The following KCTD8 variants were observed in gnomAD, a reference collection of about 807,000 sequenced individuals.
KCTD8 encodes the protein BTB/POZ domain-containing protein KCTD8.
KCTD8 carries 27 observed loss-of-function variants against 31.5 expected under a neutral mutation model. That is an observed-to-expected ratio of 0.86 (90% confidence interval 0.63 to 1.18). The LOEUF is 1.18. Ranked by LOEUF, KCTD8 falls within the 50% of genes most tolerant of loss-of-function variation. The pLI, the probability that KCTD8 is intolerant of heterozygous loss-of-function variation, is 0.00. For missense variants in KCTD8, 658 were observed against 647.7 expected (o/e 1.02, Z -0.17); for synonymous variants, 290 against 280.0 (o/e 1.04, Z -0.36).
chr4:44,447,647 A>T lies in KCTD8; in HGVS notation c.877T>A (p.Cys293Ser). The change falls in exon 1 of 2, where the codon TGT (cysteine) becomes AGT (serine). Residue 293 changes from cysteine to serine, a missense_variant. Cys to Ser is a moderately radical substitution (Grantham distance 112, BLOSUM62 -1). Coordinates refer to ENST00000360029, the MANE Select transcript of KCTD8 (RefSeq NM_198353.3). ...AAGGCGGCGGTGCCCGAGGAGTTAC[A>T]CGCCACCATGTGGAAGCCGGCCTCG... ...LSEAGFHMVA[C>S]NSSGTAAFVN... 3 of 1,610,644 alleles carry T rather than the reference A, an allele frequency of 1.9e-6. No individual in the cohort carries two copies. Among genetic ancestry groups the T allele is most frequent in the Non-Finnish European group, 2.5e-6 (3 of 1,178,656 alleles).
chr4:44,300,673 T>C (rs973937821), intron 1 of KCTD8, among the ~76,000 whole-genome samples: 1 of 151,412 alleles, frequency 6.6e-6, no homozygotes, highest in African/African-American at 2.5e-5. Context: ...TTTTAAATGC[T>C]TATTCAAACT....
chr4:44,337,440 C>G (rs1181888162), intron 1 of KCTD8, among the ~76,000 whole-genome samples: 1 of 151,878 alleles, frequency 6.6e-6, no homozygotes, highest in Admixed American at 6.6e-5. Context: ...CTTCGAGAGG[C>G]CAAGGTGGGC....
rs562041919 is a variant in KCTD8 at position 44,174,778 on chromosome 4, A to T, written c.*12T>A. 6.4e-5 allele frequency: 100 copies of T among 1,567,444 alleles called. No individual in the cohort carries two copies. The South Asian group carries it at 1.1e-3, about 17-fold the overall frequency. On this transcript the variant is annotated 3_prime_UTR_variant, in exon 2 of 2. Transcript: ENST00000360029. Reference sequence around the variant, plus strand: ...TGAATGTCATCAAAATACTGCAGGAATGTGACAATTACTATAACCCATACT... The same window carrying T: ...TGAATGTCATCAAAATACTGCAGGATTGTGACAATTACTATAACCCATACT...
intron 1 of KCTD8, among the ~76,000 whole-genome samples, chr4:44,342,423 C>T (rs560181145): frequency 2.0e-5 from 3 of 149,978 alleles, no homozygotes; most frequent in Admixed American, 2.0e-4. Context: ...TAGGTCTCGA[C>T]AGTGGGCTTA....
chr4:44,268,229 C>CAATATA (rs1240784083), intron 1 of KCTD8, among the ~76,000 whole-genome samples: 2 of 152,030 alleles, frequency 1.3e-5, no homozygotes, highest in Non-Finnish European at 2.9e-5. Flanking sequence ...GGATGCAAGG[C>CAATATA]TGGTTCAATA....
intron 1 of KCTD8, among the ~76,000 whole-genome samples, chr4:44,276,286 C>T (rs1716748649): frequency 6.6e-6 from 1 of 151,908 alleles, no homozygotes; most frequent in Admixed American, 6.6e-5. Context: ...CAGGTTTCAC[C>T]AAGTTTTATT....
intron 1 of KCTD8, among the ~76,000 whole-genome samples, chr4:44,354,650 G>A (rs572886025): frequency 1.5e-4 from 23 of 152,036 alleles, no homozygotes; most frequent in African/African-American, 4.1e-4. Context: ...TCATTTGCAC[G>A]AATCCATGAG....
intron 1 of KCTD8, among the ~76,000 whole-genome samples, chr4:44,239,285 C>T (rs544899849): frequency 2.6e-5 from 4 of 152,224 alleles, no homozygotes; most frequent in East Asian, 1.9e-4. Context: ...AAAACTGGGA[C>T]GTGTTGGGGC....
chr4:44,198,448 G>C (rs1260197420), intron 1 of KCTD8, among the ~76,000 whole-genome samples: 1 of 152,132 alleles, frequency 6.6e-6, no homozygotes, highest in Admixed American at 6.5e-5. Context: ...CATGAGGCTA[G>C]CAGCAGACCT....
chr4:44,378,502 C>T (rs975959654), intron 1 of KCTD8, among the ~76,000 whole-genome samples: 5 of 151,722 alleles, frequency 3.3e-5, no homozygotes, highest in Non-Finnish European at 5.9e-5. Context: ...CCTTAGTAAA[C>T]TGGGAATTAT....
intron 1 of KCTD8, among the ~76,000 whole-genome samples, chr4:44,184,553 A>G (rs529444642): frequency 6.6e-6 from 1 of 152,128 alleles, no homozygotes; most frequent in Non-Finnish European, 1.5e-5. Context: ...GAACTTGTTA[A>G]TTTTTATCAT....
chr4:44,388,067 G>A (rs1438566093), intron 1 of KCTD8, among the ~76,000 whole-genome samples: 1 of 148,258 alleles, frequency 6.7e-6, no homozygotes, highest in Non-Finnish European at 1.5e-5. Context: ...AACAGACACT[G>A]CAAAAGAAGA....
At chr4:44,342,801 A>G (rs540911568) in intron 1 of KCTD8, among the ~76,000 whole-genome samples, 9 of 152,288 alleles carry the variant, frequency 5.9e-5, no homozygotes, top group African/African-American at 2.2e-4. Flanking sequence ...TTGCTGCTTC[A>G]CCTTGTACTT....
At chr4:44,356,700 G>A (rs1184253427) in intron 1 of KCTD8, among the ~76,000 whole-genome samples, 1 of 152,128 alleles carries the variant, frequency 6.6e-6, no homozygotes, top group Non-Finnish European at 1.5e-5. Context: ...TCGAACTCCT[G>A]ACCTGAGGTG....
rs140784098 is a variant in KCTD8, at chr4:44,240,916, C to A, written c.962-65666G>T. Among the ~76,000 whole-genome samples the A allele has an allele frequency of 6.1e-3, 932 of 152,300 alleles. 13 individuals are homozygous for A. The highest frequency in any genetic ancestry group is 0.021 in the African/African-American group (869 of 41,574). ...ATCTTCCCTAATCTGTCAGAAGGTGCTAAGAGGAAAACGTGACATAAGGTC... is the reference window on the plus strand; with the variant it reads ...ATCTTCCCTAATCTGTCAGAAGGTGATAAGAGGAAAACGTGACATAAGGTC... On this transcript the variant is annotated intron_variant, in intron 1 of 1. Coordinates refer to ENST00000360029, the MANE Select transcript of KCTD8 (RefSeq NM_198353.3).
chr4:44,187,990 CATATATAT>C (rs551883465), intron 1 of KCTD8, among the ~76,000 whole-genome samples: 1 of 142,142 alleles, frequency 7.0e-6, no homozygotes, highest in Admixed American at 7.0e-5. Flanking sequence ...CACACACACA[CATATATAT>C]ATACATGCAC....
At chr4:44,447,490 C>T (rs1469799870) in intron 1 of KCTD8, 73 bp downstream of exon 1, 1 of 1,444,508 alleles carries the variant, frequency 6.9e-7, no homozygotes, top group Non-Finnish European at 9.1e-7. Context: ...GCGGGGCCTC[C>T]AGCGGGGCTC....
chr4:44,263,326 G>T (rs1424639235), intron 1 of KCTD8, among the ~76,000 whole-genome samples: 1 of 152,020 alleles, frequency 6.6e-6, no homozygotes, highest in Admixed American at 6.6e-5. Context: ...ATATCTCTGG[G>T]TTCTTTCAAA....
At chr4:44,417,911 G>C (rs1045907715) in intron 1 of KCTD8, among the ~76,000 whole-genome samples, 1 of 152,026 alleles carries the variant, frequency 6.6e-6, no homozygotes, top group Non-Finnish European at 1.5e-5. Context: ...ATACTAATGG[G>C]ATTATCCAAC....
Sources: gnomAD v4.1 joint callset for allele counts (sites outside exome capture counted in the v4.1 genomes callset) on GRCh38, gnomAD v4.1.1 for gene constraint, MANE v1.5 for transcripts, NCBI Gene and HGNC (gene_info 2026-07-23, HGNC 2026-07-21) for gene names.